The following ADGRL3 variants were observed in gnomAD, a reference collection of about 807,000 sequenced individuals.
ADGRL3 encodes calcium-independent alpha-latrotoxin receptor 3.
ADGRL3 carries 62 observed loss-of-function variants against 153.5 expected under a neutral mutation model. The observed-to-expected ratio is 0.40, with a 90% CI of 0.33 to 0.50. The LOEUF (loss-of-function observed/expected upper bound fraction) is 0.50, where lower values mean the gene tolerates loss of function less well. Ranked by LOEUF, ADGRL3 falls within the 20% of genes least tolerant of loss-of-function variation. The probability of loss-of-function intolerance (pLI) is 0.47; values close to 1 mark genes in which losing one functional copy is unlikely to be tolerated. For synonymous variants in ADGRL3, 710 were observed against 672.5 expected (o/e 1.06, Z -0.86); for missense variants, 1,641 against 1,859.4 (o/e 0.88, Z 2.16).
intron 5 of ADGRL3, among the ~76,000 whole-genome samples, chr4:61,631,055 T>C (rs2093135476): frequency 6.6e-6 from 1 of 152,232 alleles, no homozygotes; most frequent in Admixed American, 6.5e-5. Context: ...TCCCATCTCC[T>C]GGGCTAAAAA....
intron 9 of ADGRL3, among the ~76,000 whole-genome samples, chr4:61,834,150 A>C (rs981410656): frequency 6.8e-5 from 8 of 118,276 alleles, no homozygotes; most frequent in East Asian, 5.6e-4. Flanking sequence ...TGTGATGTTC[A>C]CCTTCCTGTG....
intron 6 of ADGRL3, among the ~76,000 whole-genome samples, chr4:61,695,794 T>C (rs2151210988): frequency 6.6e-6 from 1 of 152,318 alleles, no homozygotes; most frequent in Non-Finnish European, 1.5e-5. Flanking sequence ...TGTGCTGTTT[T>C]ATTGACTTTC....
At chr4:61,537,046 C>T (rs182987967) in intron 4 of ADGRL3, among the ~76,000 whole-genome samples, 1 of 152,020 alleles carries the variant, frequency 6.6e-6, no homozygotes, top group Non-Finnish European at 1.5e-5. Context: ...TTTAGAACTC[C>T]TTTGAGTATT....
chr4:61,377,347 A>G (rs1284161441), intron 1 of ADGRL3, among the ~76,000 whole-genome samples: 1 of 152,122 alleles, frequency 6.6e-6, no homozygotes, highest in East Asian at 1.9e-4. Flanking sequence ...TCAGCCTTCT[A>G]TAAGCAAAAT....
intron 3 of ADGRL3, among the ~76,000 whole-genome samples, chr4:61,515,126 A>G (rs1183478501): frequency 6.6e-6 from 1 of 152,146 alleles, no homozygotes; most frequent in African/African-American, 2.4e-5. Flanking sequence ...TACAAAGCTC[A>G]TGATCTGGAT....
At chr4:61,638,551 A>T (rs1201456696) in intron 5 of ADGRL3, among the ~76,000 whole-genome samples, 2 of 152,168 alleles carry the variant, frequency 1.3e-5, no homozygotes, top group African/African-American at 2.4e-5. Flanking sequence ...CCACTTTTTA[A>T]ATTATAGTAC....
intron 2 of ADGRL3, among the ~76,000 whole-genome samples, chr4:61,409,177 TTATTATATATATAATATA>T (rs944881714): frequency 1.4e-5 from 2 of 141,090 alleles, no homozygotes; most frequent in African/African-American, 5.4e-5. Flanking sequence ...TTGAAAAATT[TTATTATATATATAATATA>T]TATTATATAT....
intron 1 of ADGRL3, among the ~76,000 whole-genome samples, chr4:61,249,259 A>G (rs1758264309): frequency 6.6e-6 from 1 of 152,170 alleles, no homozygotes. Flanking sequence ...AAGGTAACAC[A>G]TTCATAAGGA....
In ADGRL3 at chr4:62,078,041, G is replaced by A. The variant is rs1747700206; in HGVS notation, c.*7133G>A. On this transcript the variant is annotated 3_prime_UTR_variant, in exon 27 of 27. Transcript: ENST00000683033. ...AAGCATTAAATCTAATTCAAAATAT[G>A]TCTTTCTAAAAAACAATAGTTTATT... is the stretch of plus-strand genomic sequence containing the variant. The A allele has an allele frequency of 6.6e-6, 1 of 151,842 alleles. No homozygotes were observed. 9.4% of individuals were successfully genotyped at this position (151,842 alleles called of 1,614,324 possible). A position where few individuals can be genotyped will look rare whatever the true frequency, so the allele number is the denominator to read the frequency against.
chr4:61,592,080 A>AAG (rs2098971911), intron 5 of ADGRL3, among the ~76,000 whole-genome samples: 1 of 151,382 alleles, frequency 6.6e-6, no homozygotes, highest in Admixed American at 6.6e-5. Context: ...CTTCAAAAAA[A>AAG]AAAAAAAAAA....
rs376758273 is a variant in ADGRL3 at position 61,482,197 on chromosome 4, T to C, written c.-173-14924T>C. On this transcript the variant is annotated intron_variant, in intron 2 of 26. Coordinates refer to ENST00000683033, the MANE Select transcript of ADGRL3 (RefSeq NM_001387552.1). ...CACACAATTTTTAACTCTCAAAAAA[T>C]TGGCACATGTGTACTTACTGAATTA... Among the ~76,000 whole-genome samples the C allele has an allele frequency of 2.8e-4, 42 of 152,308 alleles. No individual in the cohort carries two copies. In the South Asian group the frequency reaches 8.7e-3, roughly 32 times the overall value.
At chr4:61,966,279 T>G (rs548260383) in intron 17 of ADGRL3, among the ~76,000 whole-genome samples, 1 of 152,322 alleles carries the variant, frequency 6.6e-6, no homozygotes, top group East Asian at 1.9e-4. Flanking sequence ...TATTGAATAT[T>G]TCTTGCCTCA....
chr4:61,547,810 GT>G (rs1313821830), intron 4 of ADGRL3, among the ~76,000 whole-genome samples: 1 of 151,964 alleles, frequency 6.6e-6, no homozygotes, highest in African/African-American at 2.4e-5. Context: ...TCTTCTTTCA[GT>G]TTTTTGAGAA....
At chr4:61,726,367 G>A (rs1561130723) in intron 6 of ADGRL3, among the ~76,000 whole-genome samples, 1 of 151,368 alleles carries the variant, frequency 6.6e-6, no homozygotes, top group African/African-American at 2.4e-5. Context: ...CCCAGCTAAT[G>A]TTTGTATTTT....
At chr4:61,472,711 T>A (rs1234327701) in intron 2 of ADGRL3, among the ~76,000 whole-genome samples, 2 of 152,006 alleles carry the variant, frequency 1.3e-5, no homozygotes, top group African/African-American at 4.8e-5. Context: ...AGATACAGAT[T>A]TGGCAGAAGT....
chr4:61,592,834 G>A (rs781275855), intron 5 of ADGRL3, among the ~76,000 whole-genome samples: 5 of 152,106 alleles, frequency 3.3e-5, no homozygotes, highest in Non-Finnish European at 7.4e-5. Context: ...AAGCTAAAGG[G>A]AATTGTGTTA....
intron 5 of ADGRL3, among the ~76,000 whole-genome samples, chr4:61,617,305 G>A (rs977770627): frequency 3.9e-5 from 6 of 152,018 alleles, no homozygotes; most frequent in Non-Finnish European, 8.8e-5. Context: ...AAGACAAATG[G>A]TAGCCTTTAG....
intron 1 of ADGRL3, among the ~76,000 whole-genome samples, chr4:61,269,605 A>G (rs889612113): frequency 1.3e-5 from 2 of 151,692 alleles, no homozygotes; most frequent in Admixed American, 6.6e-5. Context: ...TTGCTTTGCA[A>G]CTTCAAATGC....
At chr4:61,749,285 C>T (rs369536954) in intron 8 of ADGRL3, among the ~76,000 whole-genome samples, 29,250 of 149,312 alleles carry the variant, frequency 0.2, 3,014 homozygotes, top group African/African-American at 0.24. Context: ...GTTCAACCAT[C>T]GTGGAAGTCA....
Sources: gnomAD v4.1 joint callset for allele counts (sites outside exome capture counted in the v4.1 genomes callset) on GRCh38, gnomAD v4.1.1 for gene constraint, MANE v1.5 for transcripts, NCBI Gene and HGNC (gene_info 2026-07-23, HGNC 2026-07-21) for gene names.